PDE4B: variants seen among roughly 807,000 people sequenced by gnomAD.
PDE4B encodes 3',5'-cyclic-AMP phosphodiesterase 4B.
A neutral mutation model predicts 82.2 loss-of-function variants in PDE4B; 20 were observed. The ratio of observed to expected loss-of-function variants is 0.24; its 90% confidence interval spans 0.17 to 0.35. PDE4B has a LOEUF of 0.35. PDE4B is among the 10% of genes least tolerant of loss of function. The pLI is 1.00. For synonymous variants in PDE4B, 320 were observed against 318.9 expected (o/e 1.00, Z -0.04); for missense variants, 655 against 907.2 (o/e 0.72, Z 3.57).
intron 3 of PDE4B, among the ~76,000 whole-genome samples, chr1:65,924,561 C>G (rs1647400824): frequency 6.6e-6 from 1 of 152,156 alleles, no homozygotes; most frequent in South Asian, 2.1e-4. Flanking sequence ...CATTTACTGG[C>G]TTAAAATAAC....
intron 3 of PDE4B, among the ~76,000 whole-genome samples, chr1:66,201,145 C>T (rs1287460592): frequency 1.3e-5 from 2 of 152,130 alleles, no homozygotes; most frequent in African/African-American, 4.8e-5. Context: ...TGCTGGATTA[C>T]ATTTATTGAT....
intron 3 of PDE4B, among the ~76,000 whole-genome samples, chr1:66,123,967 C>T (rs1192741053): frequency 1.3e-5 from 2 of 152,046 alleles, no homozygotes; most frequent in Admixed American, 6.6e-5. Flanking sequence ...TAAAATGTTC[C>T]CATATACAAA....
chr1:66,160,956 T>G (rs544535876), intron 3 of PDE4B, among the ~76,000 whole-genome samples: 2 of 152,336 alleles, frequency 1.3e-5, no homozygotes, highest in South Asian at 4.1e-4. Flanking sequence ...TATCTTATTA[T>G]TTCCAGATCA....
At chr1:66,194,195 T>A (rs1224858429) in intron 3 of PDE4B, among the ~76,000 whole-genome samples, 3 of 152,120 alleles carry the variant, frequency 2.0e-5, no homozygotes. Flanking sequence ...TCCCTGAACC[T>A]TTCTTCACAA....
chr1:66,210,467 G>A (rs558654941), intron 3 of PDE4B, among the ~76,000 whole-genome samples: 44 of 151,804 alleles, frequency 2.9e-4, no homozygotes, highest in Middle Eastern at 3.4e-3. Context: ...GTGGTAGTGC[G>A]CGCTTGTAGT....
intron 3 of PDE4B, among the ~76,000 whole-genome samples, chr1:65,968,325 C>T (rs1649956900): frequency 6.6e-6 from 1 of 152,084 alleles, no homozygotes; most frequent in Non-Finnish European, 1.5e-5. Flanking sequence ...TGCCAAAGCT[C>T]ATGTATTTAT....
chr1:66,316,858 G>T (rs914540847), intron 7 of PDE4B, among the ~76,000 whole-genome samples: 1 of 152,166 alleles, frequency 6.6e-6, no homozygotes, highest in Admixed American at 6.5e-5. Flanking sequence ...ACAAAATTTT[G>T]TTTTTCTAAA....
At chr1:66,028,016 A>G (rs950295871) in intron 3 of PDE4B, among the ~76,000 whole-genome samples, 1 of 152,154 alleles carries the variant, frequency 6.6e-6, no homozygotes, top group African/African-American at 2.4e-5. Context: ...GCTCCACTAG[A>G]CAGTGCCCCA....
chr1:66,317,854 G>A (rs973318579), intron 7 of PDE4B, among the ~76,000 whole-genome samples: 7 of 152,268 alleles, frequency 4.6e-5, no homozygotes, highest in Middle Eastern at 3.4e-3. Flanking sequence ...CCGTGATCAC[G>A]CCATTGTGCT....
chr1:66,267,339 C>G (rs574705036), intron 7 of PDE4B: 2 of 152,264 alleles, frequency 1.3e-5, no homozygotes, highest in Admixed American at 1.3e-4. Context: ...TAACATATAA[C>G]TCGTGTTACA....
intron 3 of PDE4B, among the ~76,000 whole-genome samples, chr1:66,131,525 A>C (rs1645942749): frequency 6.9e-6 from 1 of 144,088 alleles, no homozygotes; most frequent in Admixed American, 7.0e-5. Flanking sequence ...TATGTTGGCT[A>C]TGAAAATGGC....
intron 6 of PDE4B, among the ~76,000 whole-genome samples, chr1:66,261,604 T>A (rs562324656): frequency 6.6e-6 from 1 of 152,342 alleles, no homozygotes; most frequent in Admixed American, 6.5e-5. Context: ...ATACTTCTCA[T>A]AAGTCAAGAT....
chr1:66,295,060 C>T (rs953437949), intron 7 of PDE4B, among the ~76,000 whole-genome samples: 5 of 152,128 alleles, frequency 3.3e-5, no homozygotes, highest in Non-Finnish European at 7.4e-5. Context: ...GAAATAGGCC[C>T]TGATCATTGG....
intron 3 of PDE4B, among the ~76,000 whole-genome samples, chr1:66,124,024 G>A (rs551635467): frequency 1.3e-5 from 2 of 152,314 alleles, no homozygotes; most frequent in East Asian, 1.9e-4. Context: ...CAAAGCAAAT[G>A]CAAGGTATTG....
At chr1:66,153,073 C>T (rs1359012420) in intron 3 of PDE4B, among the ~76,000 whole-genome samples, 1 of 152,194 alleles carries the variant, frequency 6.6e-6, no homozygotes, top group East Asian at 1.9e-4. Context: ...TAGAACTAAT[C>T]ATCACAAGGT....
chr1:65,999,273 C>T (rs1250317390), intron 3 of PDE4B, among the ~76,000 whole-genome samples: 1 of 152,166 alleles, frequency 6.6e-6, no homozygotes, highest in Admixed American at 6.5e-5. Context: ...ACTGTCAATG[C>T]ACTTGCAACA....
At chr1:65,870,633 A>G (rs1469185787) in intron 1 of PDE4B, among the ~76,000 whole-genome samples, 1 of 152,312 alleles carries the variant, frequency 6.6e-6, no homozygotes, top group Non-Finnish European at 1.5e-5. Flanking sequence ...ATAATACAGT[A>G]TTCGTCTTTC....
At position 66,266,185 on chromosome 1, in the gene PDE4B, A is replaced by G. The variant is rs1289703536; in HGVS notation, c.634+98A>G. 9.5e-6 allele frequency: 9 copies of G among 951,360 alleles called. No homozygotes were observed. The East Asian group carries it at 2.0e-4, about 21-fold the overall frequency. 58.9% of individuals were successfully genotyped at this position (951,360 alleles called of 1,614,324 possible). A position where few individuals can be genotyped will look rare whatever the true frequency, so the allele number is the denominator to read the frequency against. ...TTTTTAGAACAATAGTGTTGTTTGC[A>G]TATTGTGGCTCTCAAAAGTATGTCT... On this transcript the variant is annotated intron_variant, in intron 7 of 16. Transcript: ENST00000341517.
At chr1:65,793,608 T>G (rs1318159627) in intron 1 of PDE4B, among the ~76,000 whole-genome samples, 1 of 151,932 alleles carries the variant, frequency 6.6e-6, no homozygotes, top group Non-Finnish European at 1.5e-5. Context: ...CGGTGCCCAG[T>G]GATTGACTGC....
Sources: allele counts gnomAD v4.1 joint callset (sites outside exome capture counted in the v4.1 genomes callset), GRCh38; gene constraint gnomAD v4.1.1; transcripts MANE v1.5; gene names NCBI Gene and HGNC (gene_info 2026-07-23, HGNC 2026-07-21).